PKIB: variants seen among roughly 807,000 people sequenced by gnomAD.
PKIB encodes PKI-beta.
PKIB carries 2 observed loss-of-function variants against 4.5 expected under a neutral mutation model. The ratio of observed to expected loss-of-function variants is 0.44; its 90% CI spans 0.18 to 1.39. The LOEUF is 1.39. Among genes scored for constraint, PKIB ranks in the 40% most tolerant of loss-of-function variants. The pLI, the probability that PKIB is intolerant of heterozygous loss-of-function variation, is 0.27. For synonymous variants in PKIB, 38 were observed against 36.0 expected, an observed-to-expected ratio of 1.06 and a Z score of -0.20; for missense variants, 94 against 92.6, an observed-to-expected ratio of 1.02 and a Z score of -0.06.
intron 1 of PKIB, among the ~76,000 whole-genome samples, chr6:122,631,373 T>C (rs1408185880): frequency 2.6e-5 from 4 of 152,234 alleles, no homozygotes; most frequent in African/African-American, 9.6e-5. Context: ...CATCCAAATA[T>C]ATTACAGTGT....
intron 2 of PKIB, among the ~76,000 whole-genome samples, chr6:122,561,386 C>T (rs1773007031): frequency 6.6e-6 from 1 of 151,864 alleles, no homozygotes; most frequent in Non-Finnish European, 1.5e-5. Flanking sequence ...CAGTTTTATT[C>T]CACTGTGGTC....
At chr6:122,668,855 A>G (rs1317123357) in intron 2 of PKIB, among the ~76,000 whole-genome samples, 1 of 152,240 alleles carries the variant, frequency 6.6e-6, no homozygotes, top group Non-Finnish European at 1.5e-5. Context: ...AAATCACCAT[A>G]TCTTCCAATG....
intron 2 of PKIB, among the ~76,000 whole-genome samples, chr6:122,672,791 A>G (rs559280070): frequency 8.6e-5 from 13 of 151,844 alleles, no homozygotes; most frequent in African/African-American, 2.9e-4. Context: ...TTTATAGTAT[A>G]AATATTCATA....
chr6:122,476,294 A>T (rs902638345), intron 1 of PKIB, among the ~76,000 whole-genome samples: 9 of 152,226 alleles, frequency 5.9e-5, no homozygotes, highest in African/African-American at 2.2e-4. Flanking sequence ...TTCTGAAAGG[A>T]TAAGCCAAAA....
chr6:122,514,225 A>T (rs1455186156), intron 2 of PKIB, among the ~76,000 whole-genome samples: 1 of 152,196 alleles, frequency 6.6e-6, no homozygotes, highest in Non-Finnish European at 1.5e-5. Flanking sequence ...CAGGGAAAAA[A>T]AAATTCTTTC....
intron 1 of PKIB, among the ~76,000 whole-genome samples, chr6:122,627,112 G>T (rs1351621152): frequency 6.6e-6 from 1 of 151,382 alleles, no homozygotes; most frequent in South Asian, 2.1e-4. Context: ...GCGTGCTGGC[G>T]GGCGCCTGTA....
Position 122,584,335 on chromosome 6 carries a change from G to C in PKIB, c.-247-1586G>C, listed in dbSNP as rs563600397. 3.0e-4 allele frequency among the ~76,000 whole-genome samples: 45 copies of C among 152,070 alleles called. 1 individual carries two copies. In the South Asian group the frequency reaches 8.1e-3, roughly 27 times the overall value. ...AGTTCAAATTTACATCTACAAACCA[G>C]AGATTAAATATGTCAATAAAAAAGT... On this transcript the variant is annotated intron_variant, in intron 2 of 6. Transcript: ENST00000392491.
intron 3 of PKIB, among the ~76,000 whole-genome samples, chr6:122,699,403 G>A (rs1239347596): frequency 6.6e-6 from 1 of 152,096 alleles, no homozygotes; most frequent in Non-Finnish European, 1.5e-5. Flanking sequence ...ATATTTATCA[G>A]TTGCTGATTG....
At chr6:122,590,691 G>A (rs185856467) in intron 3 of PKIB, among the ~76,000 whole-genome samples, 1 of 152,216 alleles carries the variant, frequency 6.6e-6, no homozygotes, top group East Asian at 1.9e-4. Flanking sequence ...TCTCCATAGT[G>A]CATTTTTCAA....
intron 3 of PKIB, among the ~76,000 whole-genome samples, chr6:122,714,696 G>C (rs1027026245): frequency 1.3e-5 from 2 of 152,068 alleles, no homozygotes; most frequent in African/African-American, 4.8e-5. Flanking sequence ...GTGGGAGGTG[G>C]GAGAGCTGCA....
chr6:122,721,175 A>G (rs1779726544), intron 4 of PKIB, among the ~76,000 whole-genome samples: 1 of 152,216 alleles, frequency 6.6e-6, no homozygotes, highest in Non-Finnish European at 1.5e-5. Context: ...TTTGATATAT[A>G]GATGTTACCA....
At chr6:122,606,277 A>C (rs1473481399), upstream of PKIB, among the ~76,000 whole-genome samples, 1 of 152,234 alleles carries the variant, frequency 6.6e-6, no homozygotes, top group Non-Finnish European at 1.5e-5. Context: ...TGTGGCCATT[A>C]AAAGCTAGAA....
rs112445352 is a variant in PKIB, at chr6:122,534,047, CCTT to C, written c.-247-51873_-247-51871del. On this transcript the variant is annotated intron_variant, in intron 2 of 6. Coordinates refer to the PKIB transcript ENST00000392491. Reference sequence around the variant, plus strand: ...CAATATATATAAACTTCATCTGTGACCTTATTACTTCTCAGATAATCTATTTTT... The same window carrying C: ...CAATATATATAAACTTCATCTGTGACATTACTTCTCAGATAATCTATTTTT... Among the ~76,000 whole-genome samples, 86 of 151,608 alleles carry C rather than the reference CCTT, an allele frequency of 5.7e-4. 1 individual carries two copies. The highest frequency in any genetic ancestry group is 3.4e-3 in the Middle Eastern group (1 of 292).
Position 122,523,086 on chromosome 6 carries a change from G to A in PKIB, c.-248+45147G>A, listed in dbSNP as rs940887629. Among the ~76,000 whole-genome samples the A allele has an allele frequency of 8.5e-5, 13 of 152,270 alleles. No homozygotes were observed. In the East Asian group the frequency reaches 2.1e-3, roughly 25 times the overall value. ...TTCTAATCTTAAATGAAAAACTTCA[G>A]TTTTCACTATTAAGTATAATGTTAG... On this transcript the variant is annotated intron_variant, in intron 2 of 6. Transcript: ENST00000392491.
intron 2 of PKIB, among the ~76,000 whole-genome samples, chr6:122,533,777 C>G (rs1387415738): frequency 2.6e-5 from 4 of 152,084 alleles, no homozygotes; most frequent in Non-Finnish European, 5.9e-5. Flanking sequence ...AATTTTGCTT[C>G]CTTTCTCATG....
chr6:122,504,403 G>C (rs114252998), intron 2 of PKIB, among the ~76,000 whole-genome samples: 53 of 152,274 alleles, frequency 3.5e-4, no homozygotes, highest in African/African-American at 1.3e-3. Context: ...TGCATTTAAT[G>C]AGGCATGTTT....
chr6:122,652,895 G>T (rs1180191642), intron 2 of PKIB: 1 of 152,204 alleles, frequency 6.6e-6, no homozygotes, highest in Non-Finnish European at 1.5e-5. Context: ...TAATTGAGGT[G>T]GTCTTTTCTC....
At chr6:122,625,424 T>TA (rs1775396652) in intron 1 of PKIB, among the ~76,000 whole-genome samples, 1 of 152,154 alleles carries the variant, frequency 6.6e-6, no homozygotes, top group East Asian at 1.9e-4. Flanking sequence ...ACATGGTAGA[T>TA]AAAAAATTTG....
intron 1 of PKIB, among the ~76,000 whole-genome samples, chr6:122,624,737 T>C (rs1296464790): frequency 1.3e-5 from 2 of 152,180 alleles, no homozygotes; most frequent in African/African-American, 2.4e-5. Flanking sequence ...AGAGCTGAAT[T>C]TGAATCCCAG....
Sources: gnomAD v4.1 joint callset for allele counts (sites outside exome capture counted in the v4.1 genomes callset) on GRCh38, gnomAD v4.1.1 for gene constraint, MANE v1.5 for transcripts, NCBI Gene and HGNC (gene_info 2026-07-23, HGNC 2026-07-21) for gene names.